ZFHX3: variants seen among roughly 807,000 people sequenced by gnomAD.
The protein encoded by ZFHX3 is zinc finger homeobox protein 3.
A neutral mutation model predicts 279.1 loss-of-function variants in ZFHX3; 42 were observed. The observed-to-expected ratio is 0.15, with a 90% CI of 0.12 to 0.19. The LOEUF is 0.19. Among genes scored for constraint, ZFHX3 ranks in the 10% least tolerant of loss-of-function variants. The pLI is 1.00. For synonymous variants in ZFHX3, 2,293 were observed against 1,957.8 expected, an observed-to-expected ratio of 1.17 and a Z score of -4.52; for missense variants, 4,981 against 4,754.0, an observed-to-expected ratio of 1.05 and a Z score of -1.40.
rs566549388 is a variant in ZFHX3, at chr16:73,802,834, T to C, written c.-1608+88817A>G. Among the ~76,000 whole-genome samples the C allele has an allele frequency of 2.5e-4, 38 of 152,384 alleles. No homozygotes were observed. The South Asian group carries it at 5.2e-3, about 21-fold the overall frequency. ...ATTATGATTTCTTTTTGTTTTTGTTTTTTAATAGAGCCTCACTCTGTTGCC... is the reference window on the plus strand; with the variant it reads ...ATTATGATTTCTTTTTGTTTTTGTTCTTTAATAGAGCCTCACTCTGTTGCC... On this transcript the variant is annotated intron_variant, in intron 1 of 17. Transcript: ENST00000641206.
intron 4 of ZFHX3, among the ~76,000 whole-genome samples, chr16:73,281,502 T>C (rs2014456753): frequency 1.3e-5 from 2 of 152,024 alleles, no homozygotes; most frequent in African/African-American, 2.4e-5. Flanking sequence ...GGGTACAGAG[T>C]TGCAGCCTAG....
At chr16:73,421,731 G>A (rs1032997170) in intron 3 of ZFHX3, among the ~76,000 whole-genome samples, 1 of 152,140 alleles carries the variant, frequency 6.6e-6, no homozygotes, top group African/African-American at 2.4e-5. Flanking sequence ...GTTTGTTGAT[G>A]GATGGGCCAC....
intron 2 of ZFHX3, among the ~76,000 whole-genome samples, chr16:73,563,946 T>C (rs922719952): frequency 1.3e-5 from 2 of 152,196 alleles, no homozygotes; most frequent in Non-Finnish European, 2.9e-5. Flanking sequence ...CTCAAGGGAC[T>C]CAAAGCATTT....
chr16:73,530,023 G>C (rs2019769419), intron 2 of ZFHX3, among the ~76,000 whole-genome samples: 3 of 152,088 alleles, frequency 2.0e-5, no homozygotes, highest in Admixed American at 6.6e-5. Context: ...ATATTAGCCT[G>C]TTTTCACGCT....
intron 4 of ZFHX3, among the ~76,000 whole-genome samples, chr16:73,265,109 G>GTGTGTGTGTA (rs1053383715): frequency 1.9e-4 from 28 of 145,344 alleles, no homozygotes; most frequent in Middle Eastern, 3.7e-3. Context: ...GTGTGTGTGT[G>GTGTGTGTGTA]TATATAACAG....
intron 4 of ZFHX3, chr16:73,294,111 G>C (rs1402971658): frequency 6.6e-6 from 1 of 151,428 alleles, no homozygotes; most frequent in East Asian, 1.9e-4. Context: ...TGATTTTAGT[G>C]ACAGAGCTTG....
chr16:72,788,238 A>T lies in ZFHX3; in HGVS notation c.10038T>A (p.Pro3346=). 6.2e-7 allele frequency: 1 copy of T among 1,614,128 alleles called. No individual in the cohort carries two copies. Among genetic ancestry groups the T allele is most frequent in the Non-Finnish European group, 8.5e-7 (1 of 1,180,010 alleles). Reference sequence around the variant, plus strand: ...GCCCCATCAGGGCCTGCGACAGTGCAGGGCTGTAGGGGAACAGGCCTTCCA... The same window carrying T: ...GCCCCATCAGGGCCTGCGACAGTGCTGGGCTGTAGGGGAACAGGCCTTCCA... ...YGMEGLFPYS[P]ALSQALMGLS... is the part of the protein sequence containing the mutation. Residue 3346 remains proline (P), a synonymous_variant, in exon 10 of 10, where the codon CCT becomes CCA. Coordinates refer to ENST00000268489, the MANE Select transcript of ZFHX3 (RefSeq NM_006885.4).
chr16:73,773,333 C>G (rs1044671135), intron 1 of ZFHX3, among the ~76,000 whole-genome samples: 3 of 152,224 alleles, frequency 2.0e-5, no homozygotes, highest in Non-Finnish European at 4.4e-5. Flanking sequence ...CACCACCAGG[C>G]AGTAGTTCTC....
intron 1 of ZFHX3, among the ~76,000 whole-genome samples, chr16:73,860,003 G>T (rs1160743914): frequency 6.6e-6 from 1 of 152,164 alleles, no homozygotes; most frequent in African/African-American, 2.4e-5. Context: ...CTGTGGCCCA[G>T]TTCAAATTGA....
At position 72,959,998 on chromosome 16, in the gene ZFHX3, A is replaced by G; in HGVS notation, c.148T>C (p.Leu50=). Residue 50 remains leucine (L), a synonymous_variant, in exon 2 of 10, where the codon TTG becomes CTG. Transcript: ENST00000268489. The part of the protein sequence containing the change: ...EQSTGESHGP[L]DSLRAPFNER... ...TTGAAGGGGGCCCTCAGGCTGTCCA[A>G]GGGCCCGTGGCTCTCGCCTGTGGAC... The G allele has an allele frequency of 6.2e-7, 1 of 1,613,750 alleles. No individual in the cohort carries two copies. The highest frequency in any genetic ancestry group is 1.1e-5 in the South Asian group (1 of 91,048).
At chr16:73,856,128 T>C (rs1252389588) in intron 1 of ZFHX3, among the ~76,000 whole-genome samples, 1 of 152,206 alleles carries the variant, frequency 6.6e-6, no homozygotes, top group Non-Finnish European at 1.5e-5. Context: ...TTGATCTTAA[T>C]TTTATAACCT....
chr16:73,230,672 A>G (rs1223326608), intron 5 of ZFHX3, among the ~76,000 whole-genome samples: 1 of 152,190 alleles, frequency 6.6e-6, no homozygotes, highest in Admixed American at 6.5e-5. Context: ...GCCTGGTGCT[A>G]TAATTAATCC....
intron 2 of ZFHX3, among the ~76,000 whole-genome samples, chr16:73,460,845 C>T (rs1328067521): frequency 6.6e-6 from 1 of 152,156 alleles, no homozygotes. Context: ...TCTTGCTCCT[C>T]CTCTGGCTAC....
intron 4 of ZFHX3, among the ~76,000 whole-genome samples, chr16:72,864,833 T>C (rs941284934): frequency 1.3e-5 from 2 of 152,102 alleles, no homozygotes; most frequent in African/African-American, 4.8e-5. Context: ...GATGTTAGAG[T>C]TTTGAAGATG....
rs534740776 is a variant in ZFHX3 at position 73,012,967 on chromosome 16, C to T, written c.-50+34785G>A. ...ATCCATGCTGGTTCTAGAAACATAGCTCCATCCTATGCACACACTTCCCCC... is the reference window on the plus strand; with the variant it reads ...ATCCATGCTGGTTCTAGAAACATAGTTCCATCCTATGCACACACTTCCCCC... On this transcript the variant is annotated intron_variant, in intron 1 of 9. Coordinates refer to ENST00000268489, the MANE Select transcript of ZFHX3 (RefSeq NM_006885.4). 3.3e-5 allele frequency among the ~76,000 whole-genome samples: 5 copies of T among 152,310 alleles called. No individual in the cohort carries two copies. The South Asian group carries it at 6.2e-4, about 19-fold the overall frequency.
chr16:72,921,703 G>A (rs1349600169), intron 3 of ZFHX3, among the ~76,000 whole-genome samples: 3 of 152,198 alleles, frequency 2.0e-5, no homozygotes, highest in African/African-American at 4.8e-5. Context: ...TGGAGAGAAA[G>A]GACGGGGCAG....
intron 1 of ZFHX3, among the ~76,000 whole-genome samples, chr16:73,715,951 A>T (rs1437869356): frequency 6.6e-6 from 1 of 151,952 alleles, no homozygotes; most frequent in East Asian, 1.9e-4. Context: ...TCTACATCTT[A>T]ATTTTTTAAA....
chr16:73,708,230 A>T (rs530444447), intron 1 of ZFHX3, among the ~76,000 whole-genome samples: 19 of 152,296 alleles, frequency 1.2e-4, no homozygotes, highest in African/African-American at 4.3e-4. Flanking sequence ...TTTTATCAAT[A>T]CTTTTTGATC....
intron 5 of ZFHX3, among the ~76,000 whole-genome samples, chr16:72,819,859 C>G (rs966193339): frequency 1.3e-5 from 2 of 152,194 alleles, no homozygotes; most frequent in African/African-American, 4.8e-5. Flanking sequence ...GTTCTGTTAG[C>G]GTAATCCAGA....
Sources: gnomAD v4.1 joint callset for allele counts (sites outside exome capture counted in the v4.1 genomes callset) on GRCh38, gnomAD v4.1.1 for gene constraint, MANE v1.5 for transcripts, NCBI Gene and HGNC (gene_info 2026-07-23, HGNC 2026-07-21) for gene names.